Variants in ASCC2 observed in about 807,000 individuals in gnomAD.
ASCC2 encodes the protein ASC-1 complex subunit P100.
A neutral mutation model predicts 93.5 loss-of-function variants in ASCC2; 42 were observed. The ratio of observed to expected loss-of-function variants is 0.45; its 90% confidence interval spans 0.35 to 0.58. The LOEUF (loss-of-function observed/expected upper bound fraction) is 0.58. ASCC2 is among the 20% of genes least tolerant of loss of function. The pLI is 0.00. For synonymous variants in ASCC2, 364 were observed against 384.2 expected (o/e 0.95, Z 0.62); for missense variants, 859 against 977.6 (o/e 0.88, Z 1.62).
intron 8 of ASCC2, 109 bp downstream of exon 8, chr22:29,813,321 G>C: frequency 1.3e-6 from 1 of 791,120 alleles, no homozygotes; most frequent in Non-Finnish European, 2.1e-6. Context: ...CTGGAAGAGG[G>C]ACTGGTACAT....
In ASCC2 at chr22:29,832,320, T is replaced by G. The variant is rs150260524; in HGVS notation, c.6A>C (p.Pro2=). Residue 2 remains proline, a synonymous_variant, in exon 2 of 20, where the codon CCA becomes CCC. Transcript: ENST00000307790. M[P]ALPLDQLQIT... ...TCTGGAGTTGGTCCAGGGGCAGAGC[T>G]GGCATTGTGCTGCGTGACCCTCCTG... 6 of 1,613,654 alleles carry G rather than the reference T, an allele frequency of 3.7e-6. No individual in the cohort carries two copies. The Admixed American group carries it at 6.7e-5, about 18-fold the overall frequency.
intron 7 of ASCC2, among the ~76,000 whole-genome samples, chr22:29,814,308 T>C (rs567117721): frequency 8.5e-5 from 13 of 152,372 alleles, no homozygotes; most frequent in African/African-American, 3.1e-4. Flanking sequence ...GCACAGGGTC[T>C]GGCACATGCT....
chr22:29,822,782 G>A (rs563022492), intron 4 of ASCC2, among the ~76,000 whole-genome samples: 5 of 138,564 alleles, frequency 3.6e-5, no homozygotes, highest in South Asian at 4.7e-4. Flanking sequence ...GTGCAGTGGT[G>A]TAATCTCTGC....
chr22:29,795,479 G>A (rs2058319131), intron 15 of ASCC2, among the ~76,000 whole-genome samples: 1 of 152,112 alleles, frequency 6.6e-6, no homozygotes, highest in Admixed American at 6.5e-5. Context: ...GGCCACATGT[G>A]GCTTTCTGAC....
intron 15 of ASCC2, 110 bp from the exon 16 acceptor site, chr22:29,793,786 C>T: frequency 2.0e-6 from 2 of 1,009,744 alleles, no homozygotes; most frequent in Admixed American, 2.2e-5. Flanking sequence ...CTCAGACTGT[C>T]ACGGAGACAA....
intron 2 of ASCC2, among the ~76,000 whole-genome samples, chr22:29,831,564 G>C (rs1433262332): frequency 2.0e-5 from 3 of 152,112 alleles, no homozygotes; most frequent in Admixed American, 2.0e-4. Context: ...TGTTTCCCAC[G>C]ACTTTACTCA....
At chr22:29,797,380 G>A (rs1158651465) in intron 15 of ASCC2, among the ~76,000 whole-genome samples, 1 of 152,132 alleles carries the variant, frequency 6.6e-6, no homozygotes, top group Non-Finnish European at 1.5e-5. Flanking sequence ...CTTCTAAAGA[G>A]CCTGTGGAAG....
chr22:29,830,510 T>A (rs2062995891), intron 2 of ASCC2, among the ~76,000 whole-genome samples: 2 of 152,176 alleles, frequency 1.3e-5, no homozygotes, highest in Admixed American at 1.3e-4. Context: ...TGCCCTTCAA[T>A]ACCCAGTTCA....
intron 8 of ASCC2, among the ~76,000 whole-genome samples, chr22:29,808,554 C>T (rs1237266401): frequency 6.6e-6 from 1 of 152,160 alleles, no homozygotes; most frequent in Non-Finnish European, 1.5e-5. Context: ...GGCACAGTGG[C>T]TCATGCCTGT....
At chr22:29,796,592 C>T (rs2058470718) in intron 15 of ASCC2, among the ~76,000 whole-genome samples, 1 of 152,004 alleles carries the variant, frequency 6.6e-6, no homozygotes, top group Non-Finnish European at 1.5e-5. Context: ...TTGATTTAGA[C>T]CAGGGAGAAA....
At chr22:29,805,391 T>C (rs2098662433) in intron 12 of ASCC2, among the ~76,000 whole-genome samples, 1 of 152,132 alleles carries the variant, frequency 6.6e-6, no homozygotes, top group South Asian at 2.1e-4. Context: ...CAAACCCTCA[T>C]CATCCATGCT....
In ASCC2 at chr22:29,825,559, A is replaced by G; in HGVS notation, c.240+63T>C. The stretch of plus-strand genomic sequence containing the variant: ...ACCTCCTAGGGGAAGAAAAACAACA[A>G]CAGCAACCAACCAATGGCATGTCAT... On this transcript the variant is annotated intron_variant, in intron 3 of 19. Coordinates refer to ENST00000307790, the MANE Select transcript of ASCC2 (RefSeq NM_032204.5). The surrounding 1 kb of genome is among the most constrained non-coding windows in gnomAD (Gnocchi z 4.9). 2.5e-6 allele frequency: 4 copies of G among 1,610,202 alleles called. No individual in the cohort carries two copies. Among genetic ancestry groups the G allele is most frequent in the African/African-American group, 1.3e-5 (1 of 74,960 alleles).
At chr22:29,798,550 C>T (rs2058710229) in intron 15 of ASCC2, among the ~76,000 whole-genome samples, 1 of 152,216 alleles carries the variant, frequency 6.6e-6, no homozygotes, top group African/African-American at 2.4e-5. Context: ...GACGGCCCTA[C>T]CTTACACCGC....
At chr22:29,833,667 T>C in intron 1 of ASCC2, 1 of 469,160 alleles carries the variant, frequency 2.1e-6, no homozygotes. Flanking sequence ...TAGAAGTGTA[T>C]TAGGCCCCTC....
rs1282188301 is a variant in ASCC2 at position 29,825,539 on chromosome 22, C to T, written c.240+83G>A. 1.3e-6 allele frequency: 2 copies of T among 1,591,124 alleles called. No homozygotes were observed. The highest frequency in any genetic ancestry group is 1.7e-6 in the Non-Finnish European group (2 of 1,160,154). Reference sequence around the variant, plus strand: ...AAAGAAGTAGACAAAAAAGCACCTCCTAGGGGAAGAAAAACAACAACAGCA... The same window carrying T: ...AAAGAAGTAGACAAAAAAGCACCTCTTAGGGGAAGAAAAACAACAACAGCA... On this transcript the variant is annotated intron_variant, in intron 3 of 19. Transcript: ENST00000307790. This position sits in a 1 kb window ranked among gnomAD's most constrained non-coding sequence, Gnocchi z 4.9.
intron 8 of ASCC2, among the ~76,000 whole-genome samples, chr22:29,812,650 C>A (rs1193188075): frequency 6.6e-6 from 1 of 152,184 alleles, no homozygotes; most frequent in Non-Finnish European, 1.5e-5. Context: ...TCCCCACCCT[C>A]TGCCTCATGT....
At chr22:29,837,142 T>A (rs1013434330) in intron 1 of ASCC2, among the ~76,000 whole-genome samples, 5 of 151,884 alleles carry the variant, frequency 3.3e-5, no homozygotes, top group Non-Finnish European at 7.4e-5. Flanking sequence ...ACAAATTAAG[T>A]AGGCAGGGCT....
chr22:29,793,931 C>T (rs1158372431), intron 15 of ASCC2, among the ~76,000 whole-genome samples: 3 of 150,204 alleles, frequency 2.0e-5, no homozygotes, highest in African/African-American at 7.4e-5. Flanking sequence ...GGAAGTCTTG[C>T]TCTGTCACCC....
rs773451572 is a variant in ASCC2, at chr22:29,806,551, C to T, written c.1019G>A (p.Cys340Tyr). The T allele has an allele frequency of 6.2e-7, 1 of 1,613,252 alleles. No homozygotes were observed. The highest frequency in any genetic ancestry group is 8.5e-7 in the Non-Finnish European group (1 of 1,179,500). Residue 340 changes from cysteine to tyrosine, a missense_variant and splice_region_variant, in exon 11 of 20, where the codon TGT (cysteine) becomes TAT (tyrosine). By Grantham distance (194) the Cys-to-Tyr change is radical (BLOSUM62 -2). Coordinates refer to ENST00000307790, the MANE Select transcript of ASCC2 (RefSeq NM_032204.5). The part of the protein sequence containing the change: ...ICLLPILESS[C>Y]DNIQGFIEEF... ...TTCGATGAAGCCCTGAATGTTGTCA[C>T]AGCTAGAACAAGACACCAGGGAAGA...
Sources: gnomAD v4.1 joint callset for allele counts (sites outside exome capture counted in the v4.1 genomes callset) on GRCh38, gnomAD v4.1.1 for gene constraint, Gnocchi (gnomAD v3.1) non-coding constraint, MANE v1.5 for transcripts, NCBI Gene and HGNC (gene_info 2026-07-23, HGNC 2026-07-21) for gene names.